Variants in HDAC4 observed in about 807,000 individuals in gnomAD.
HDAC4 encodes histone deacetylase A.
In HDAC4, 16 loss-of-function variants were observed where a neutral mutation model predicts 135.1. The ratio of observed to expected loss-of-function variants is 0.12; its 90% CI spans 0.08 to 0.18. HDAC4 has a LOEUF of 0.18. HDAC4 is among the 10% of genes least tolerant of loss of function. The pLI is 1.00. For missense variants in HDAC4, 1,143 were observed against 1,511.8 expected, an observed-to-expected ratio of 0.76 and a Z score of 4.05; for synonymous variants, 685 against 653.4, an observed-to-expected ratio of 1.05 and a Z score of -0.74.
At chr2:239,377,153 A>G (rs1695068123) in intron 1 of HDAC4, among the ~76,000 whole-genome samples, 1 of 152,174 alleles carries the variant, frequency 6.6e-6, no homozygotes, top group Non-Finnish European at 1.5e-5. Context: ...CCTCTATGGC[A>G]GCCCAAAGGC....
At chr2:239,368,407 C>A (rs143795990) in intron 1 of HDAC4, among the ~76,000 whole-genome samples, 8 of 152,274 alleles carry the variant, frequency 5.3e-5, no homozygotes, top group East Asian at 1.9e-4. Flanking sequence ...GCGTGGCTGG[C>A]GCTGCTGCAT....
chr2:239,387,347 C>T (rs1359614171), intron 1 of HDAC4, among the ~76,000 whole-genome samples: 1 of 152,238 alleles, frequency 6.6e-6, no homozygotes, highest in Non-Finnish European at 1.5e-5. Flanking sequence ...CACTTCCAGC[C>T]TCAGTCCCGC....
At chr2:239,232,900 C>G (rs1008942488) in intron 3 of HDAC4, among the ~76,000 whole-genome samples, 1 of 136,972 alleles carries the variant, frequency 7.3e-6, no homozygotes, top group Non-Finnish European at 1.6e-5. Context: ...CCTTCCCTCA[C>G]CAAGCCAAGG....
At chr2:239,192,771 G>A (rs1379347695) in intron 3 of HDAC4, among the ~76,000 whole-genome samples, 3 of 152,214 alleles carry the variant, frequency 2.0e-5, no homozygotes, top group African/African-American at 7.2e-5. Flanking sequence ...GAGCGGGCCC[G>A]TGCTTTCCAG....
chr2:239,216,321 A>T (rs1298809920), intron 3 of HDAC4, among the ~76,000 whole-genome samples: 1 of 152,062 alleles, frequency 6.6e-6, no homozygotes, highest in Non-Finnish European at 1.5e-5. Context: ...CAGAGAAAAA[A>T]AAAAATAAAA....
chr2:239,225,862 TG>T (rs2047212663), intron 3 of HDAC4, among the ~76,000 whole-genome samples: 1 of 152,202 alleles, frequency 6.6e-6, no homozygotes, highest in South Asian at 2.1e-4. Context: ...GCATCACGTG[TG>T]ACAGTGTGTG....
At chr2:239,337,862 C>T (rs995869845) in intron 2 of HDAC4, among the ~76,000 whole-genome samples, 1 of 152,000 alleles carries the variant, frequency 6.6e-6, no homozygotes, top group East Asian at 1.9e-4. Flanking sequence ...AGTCCAGGCT[C>T]GGGACAATTA....
chr2:239,095,377 G>A (rs2036923854), intron 16 of HDAC4, among the ~76,000 whole-genome samples: 1 of 152,192 alleles, frequency 6.6e-6, no homozygotes, highest in South Asian at 2.1e-4. Context: ...GTGGGCGTCT[G>A]CCTGCAGCCC....
intron 2 of HDAC4, among the ~76,000 whole-genome samples, chr2:239,293,637 C>A (rs2051670287): frequency 1.3e-5 from 2 of 152,182 alleles, no homozygotes; most frequent in Non-Finnish European, 2.9e-5. Context: ...ACGCACAGGG[C>A]ACCTCCAGGC....
chr2:239,273,256 G>A (rs138612893), intron 2 of HDAC4, among the ~76,000 whole-genome samples: 1 of 152,128 alleles, frequency 6.6e-6, no homozygotes, highest in Non-Finnish European at 1.5e-5. Flanking sequence ...GTGGATCAAG[G>A]AGGACAAGGT....
chr2:239,374,193 G>A (rs898799450), intron 1 of HDAC4, among the ~76,000 whole-genome samples: 4 of 152,118 alleles, frequency 2.6e-5, no homozygotes, highest in Non-Finnish European at 4.4e-5. Flanking sequence ...GAACAAAACT[G>A]CACAGAGGAC....
rs2052763747 is a variant in HDAC4 at position 239,309,339 on chromosome 2, GT to G, written c.22+43338del. 1.3e-5 allele frequency: 2 copies of G among 152,134 alleles called. No homozygotes were observed. The highest frequency in any genetic ancestry group is 2.9e-5 in the Non-Finnish European group (2 of 68,042). The allele number at this position is 152,134 out of a possible 1,614,324, so 9.4% of individuals were successfully genotyped here. Reference sequence around the variant, plus strand: ...AGTCACAAAGAACGCCCAGAACACTGTTTATATTGGGGGCCATGAACGTTCA... The same window carrying G: ...AGTCACAAAGAACGCCCAGAACACTGTTATATTGGGGGCCATGAACGTTCA... On this transcript the variant is annotated intron_variant, in intron 2 of 26. Coordinates refer to ENST00000543185, the MANE Select transcript of HDAC4 (RefSeq NM_001378414.1). The surrounding 1 kb of genome is among the most constrained non-coding windows in gnomAD (Gnocchi z 4.2).
intron 2 of HDAC4, among the ~76,000 whole-genome samples, chr2:239,345,074 G>T (rs986247445): frequency 2.6e-5 from 4 of 152,186 alleles, no homozygotes; most frequent in African/African-American, 9.6e-5. Context: ...CCTCCTGGGA[G>T]CCCTCTTGGG....
intron 16 of HDAC4, among the ~76,000 whole-genome samples, chr2:239,096,483 G>A (rs967106823): frequency 7.3e-5 from 2 of 27,220 alleles, no homozygotes; most frequent in East Asian, 1.6e-3. Flanking sequence ...ATGGATGCCC[G>A]CCCCCCGCCC....
intron 3 of HDAC4, among the ~76,000 whole-genome samples, chr2:239,197,145 T>C (rs1199851432): frequency 6.6e-6 from 1 of 152,166 alleles, no homozygotes; most frequent in Non-Finnish European, 1.5e-5. Context: ...AAGGGAGGCA[T>C]GAGAGTAAGT....
At chr2:239,380,121 C>A (rs759315471) in intron 1 of HDAC4, among the ~76,000 whole-genome samples, 42 of 152,198 alleles carry the variant, frequency 2.8e-4, no homozygotes, top group Admixed American at 3.3e-4. Context: ...GCCAAGAGGG[C>A]CCTCATGAGG....
Position 239,346,583 on chromosome 2 carries a change from T to C in HDAC4, c.22+6095A>G, listed in dbSNP as rs994076757. Reference sequence around the variant, plus strand: ...CACACACACACACACACACAGACCATAACACACACACCTGTCTAAAACACA... The same window carrying C: ...CACACACACACACACACACAGACCACAACACACACACCTGTCTAAAACACA... On this transcript the variant is annotated intron_variant, in intron 2 of 26. Transcript: ENST00000543185. 4.7e-5 allele frequency among the ~76,000 whole-genome samples: 6 copies of C among 127,056 alleles called. No homozygotes were observed. In the South Asian group the frequency reaches 7.8e-4, roughly 17 times the overall value. 83.4% of individuals were successfully genotyped at this position (127,056 alleles called of 152,430 possible).
chr2:239,228,893 G>A (rs2047390292), intron 3 of HDAC4, among the ~76,000 whole-genome samples: 1 of 152,144 alleles, frequency 6.6e-6, no homozygotes, highest in Non-Finnish European at 1.5e-5. Flanking sequence ...TGTAATCCCA[G>A]CACTTTGGGA....
chr2:239,322,869 C>G (rs754353467), intron 2 of HDAC4, among the ~76,000 whole-genome samples: 3 of 152,126 alleles, frequency 2.0e-5, no homozygotes, highest in Non-Finnish European at 4.4e-5. Context: ...CTCTTGTGGC[C>G]CTTCCTTCTC....
Sources: allele counts gnomAD v4.1 joint callset (sites outside exome capture counted in the v4.1 genomes callset), GRCh38; gene constraint gnomAD v4.1.1; non-coding constraint Gnocchi (gnomAD v3.1); transcripts MANE v1.5; gene names NCBI Gene and HGNC (gene_info 2026-07-23, HGNC 2026-07-21).